SIM1: variants seen among roughly 807,000 people sequenced by gnomAD.
SIM1 encodes single-minded homolog 1.
Under a neutral mutation model 78.2 loss-of-function variants are expected in SIM1, and 18 were observed. The observed-to-expected ratio is 0.23, with a 90% CI of 0.16 to 0.34. SIM1 has a LOEUF of 0.34. Ranked by LOEUF, SIM1 falls within the 10% of genes least tolerant of loss-of-function variation. The pLI is 1.00. For synonymous variants in SIM1, 417 were observed against 385.2 expected (o/e 1.08, Z -0.97); for missense variants, 939 against 975.1 (o/e 0.96, Z 0.49).
At chr6:100,393,443 G>A in intron 11 of SIM1, 44 bp downstream of exon 11, 1 of 1,477,072 alleles carries the variant, frequency 6.8e-7, no homozygotes, top group Non-Finnish European at 9.0e-7. Context: ...AACCTGCCCA[G>A]GGCCTAATGC....
intron 11 of SIM1, 25 bp from the exon 12 acceptor site, chr6:100,391,116 T>C (rs1466319191): frequency 6.5e-7 from 1 of 1,549,588 alleles, no homozygotes; most frequent in Non-Finnish European, 8.7e-7. Flanking sequence ...AAGTCAAAAG[T>C]AAGTGATCTC....
At chr6:100,443,187 T>C (rs527916513) in intron 9 of SIM1, among the ~76,000 whole-genome samples, 1 of 152,224 alleles carries the variant, frequency 6.6e-6, no homozygotes, top group South Asian at 2.1e-4. Context: ...CCAATATAAA[T>C]TGTCTCTATT....
chr6:100,401,976 T>A (rs559570865), intron 10 of SIM1, among the ~76,000 whole-genome samples: 1 of 152,356 alleles, frequency 6.6e-6, no homozygotes, highest in African/African-American at 2.4e-5. Flanking sequence ...CCTCATCTAC[T>A]GCCATTTCAT....
At chr6:100,441,911 C>G (rs1347213571) in intron 9 of SIM1, among the ~76,000 whole-genome samples, 1 of 152,166 alleles carries the variant, frequency 6.6e-6, no homozygotes, top group East Asian at 1.9e-4. Flanking sequence ...CAAATCCATC[C>G]CTGTCTCTCA....
intron 10 of SIM1, among the ~76,000 whole-genome samples, chr6:100,401,743 A>G (rs1770920990): frequency 6.6e-6 from 1 of 152,208 alleles, no homozygotes; most frequent in African/African-American, 2.4e-5. Context: ...GAAAAATCCC[A>G]TATAGTAAAC....
intron 2 of SIM1, among the ~76,000 whole-genome samples, chr6:100,455,696 GGCCGGGGCACTCGAGCGA>G: frequency 6.6e-6 from 1 of 152,346 alleles, no homozygotes; most frequent in Admixed American, 6.5e-5. Flanking sequence ...GGGGACGAAG[GGCCGGGGCACTCGAGCGA>G]GCCTGGAGCG....
chr6:100,453,924 T>C lies in SIM1; in HGVS notation c.176-80A>G, dbSNP rs1233151149. The C allele has an allele frequency of 1.3e-5, 14 of 1,042,106 alleles. No homozygotes were observed. In the East Asian group the frequency reaches 3.7e-4, roughly 28 times the overall value. 64.6% of individuals were successfully genotyped at this position (1,042,106 alleles called of 1,614,324 possible). A position where few individuals can be genotyped will look rare whatever the true frequency, so the allele number is the denominator to read the frequency against. On this transcript the variant is annotated intron_variant, in intron 2 of 11. Coordinates refer to ENST00000369208, the MANE Select transcript of SIM1 (RefSeq NM_005068.3). Reference sequence around the variant, plus strand: ...TTGGGACCAAGTCCCGCGACTGTATTACCCGAGTGCCGGCCCCTTTGACTG... The same window carrying C: ...TTGGGACCAAGTCCCGCGACTGTATCACCCGAGTGCCGGCCCCTTTGACTG...
chr6:100,393,222 T>C (rs1306978123), intron 11 of SIM1, among the ~76,000 whole-genome samples: 1 of 152,200 alleles, frequency 6.6e-6, no homozygotes, highest in African/African-American at 2.4e-5. Flanking sequence ...ACAAATTCAA[T>C]AGACATATTC....
intron 10 of SIM1, among the ~76,000 whole-genome samples, chr6:100,403,590 T>A (rs1562235797): frequency 6.6e-6 from 1 of 152,140 alleles, no homozygotes; most frequent in Admixed American, 6.5e-5. Flanking sequence ...TAATACACTT[T>A]AGAAAAGGCA....
At chr6:100,454,805 T>G (rs1772603970) in intron 2 of SIM1, among the ~76,000 whole-genome samples, 1 of 152,140 alleles carries the variant, frequency 6.6e-6, no homozygotes, top group African/African-American at 2.4e-5. Flanking sequence ...TCGGCTAGAG[T>G]ACCCTTTTGC....
intron 10 of SIM1, among the ~76,000 whole-genome samples, chr6:100,412,353 A>G (rs1241852919): frequency 1.3e-5 from 2 of 151,768 alleles, no homozygotes; most frequent in Non-Finnish European, 2.9e-5. Context: ...CCTGGCTAAC[A>G]TGGCGAAACG....
intron 6 of SIM1, among the ~76,000 whole-genome samples, 175 bp from the exon 7 acceptor site, chr6:100,448,853 T>C (rs575123034): frequency 6.6e-6 from 1 of 152,274 alleles, no homozygotes; most frequent in East Asian, 1.9e-4. Flanking sequence ...AGAAAGTGAC[T>C]GCACAGCCAC....
intron 9 of SIM1, among the ~76,000 whole-genome samples, chr6:100,443,443 C>A (rs1409565463): frequency 6.6e-6 from 1 of 152,074 alleles, no homozygotes; most frequent in Non-Finnish European, 1.5e-5. Flanking sequence ...CTTTTACTTT[C>A]CAGACATAAT....
At position 100,386,198 on chromosome 6, in the gene SIM1, G is replaced by A. The variant is rs1270789122; in HGVS notation, c.*4163C>T. On this transcript the variant is annotated 3_prime_UTR_variant, in exon 12 of 12. Transcript: ENST00000369208. ...AACATCTATGATTTGAGTGAACTAG[G>A]GAACCAAATCTGGGCATTCAAACAT... 1 of 151,952 alleles carries A rather than the reference G, an allele frequency of 6.6e-6. No homozygotes were observed. The highest frequency in any genetic ancestry group is 2.4e-5 in the African/African-American group (1 of 41,400). 9.4% of individuals were successfully genotyped at this position (151,952 alleles called of 1,614,324 possible). A position where few individuals can be genotyped will look rare whatever the true frequency, so the allele number is the denominator to read the frequency against.
intron 11 of SIM1, 77 bp downstream of exon 11, chr6:100,393,410 C>A: frequency 2.5e-6 from 3 of 1,219,084 alleles, no homozygotes; most frequent in Non-Finnish European, 3.2e-6. Flanking sequence ...TTTGGTCATT[C>A]ACTCTAGTGT....
chr6:100,458,214 G>C (rs1032300549), intron 2 of SIM1, among the ~76,000 whole-genome samples: 2 of 152,162 alleles, frequency 1.3e-5, no homozygotes, highest in African/African-American at 4.8e-5. Flanking sequence ...CTAAAACTGG[G>C]GGCGAAATTC....
At chr6:100,449,558 G>T (rs1301794900) in intron 5 of SIM1, 33 bp downstream of exon 5, 1 of 1,584,048 alleles carries the variant, frequency 6.3e-7, no homozygotes. Flanking sequence ...GACTGCGATG[G>T]GCCTGAGCGT....
chr6:100,419,172 G>A (rs1771496262), intron 10 of SIM1, among the ~76,000 whole-genome samples: 1 of 151,826 alleles, frequency 6.6e-6, no homozygotes, highest in Non-Finnish European at 1.5e-5. Flanking sequence ...TCTCAAAAAA[G>A]AAGAAGAAGA....
At position 100,392,350 on chromosome 6, in the gene SIM1, G is replaced by T. The variant is rs980451782; in HGVS notation, c.1570+1137C>A. On this transcript the variant is annotated intron_variant, in intron 11 of 11. Coordinates refer to ENST00000369208, the MANE Select transcript of SIM1 (RefSeq NM_005068.3). Reference sequence around the variant, plus strand: ...AGAAGAGAAACAAGTAGGAATATATGAAAGCTGTAAACTGCTTAATGCAGC... The same window carrying T: ...AGAAGAGAAACAAGTAGGAATATATTAAAGCTGTAAACTGCTTAATGCAGC... Among the ~76,000 whole-genome samples the T allele has an allele frequency of 2.6e-5, 4 of 152,190 alleles. No individual in the cohort carries two copies. In the East Asian group the frequency reaches 7.7e-4, roughly 29 times the overall value.
Sources: gnomAD v4.1 joint callset for allele counts (sites outside exome capture counted in the v4.1 genomes callset) on GRCh38, gnomAD v4.1.1 for gene constraint, MANE v1.5 for transcripts, NCBI Gene and HGNC (gene_info 2026-07-23, HGNC 2026-07-21) for gene names.